Variants in NKAIN2 observed in about 807,000 individuals in gnomAD.
The protein encoded by NKAIN2 is sodium/potassium-transporting ATPase subunit beta-1-interacting protein 2.
A neutral mutation model predicts 32.6 loss-of-function variants in NKAIN2; 14 were observed. That is an observed-to-expected ratio of 0.43 (90% confidence interval 0.28 to 0.67). NKAIN2 has a LOEUF of 0.67. Ranked by LOEUF, NKAIN2 falls within the 30% of genes least tolerant of loss-of-function variation. The pLI is 0.17. For missense variants in NKAIN2, 198 were observed against 258.3 expected, an observed-to-expected ratio of 0.77 and a Z score of 1.60; for synonymous variants, 80 against 87.2, an observed-to-expected ratio of 0.92 and a Z score of 0.46.
chr6:123,847,925 A>T (rs1234541664), intron 1 of NKAIN2, among the ~76,000 whole-genome samples: 2 of 152,102 alleles, frequency 1.3e-5, no homozygotes, highest in Non-Finnish European at 2.9e-5. Flanking sequence ...CAGGTTGAAA[A>T]TTGTTGGTTT....
Position 124,168,133 on chromosome 6 carries a change from A to G in NKAIN2, c.55-114872A>G, listed in dbSNP as rs113458759. ...TGTCCTGGTTTATCATCTCTTTGCAAATTGGACATTTAATTTTTTTATAAT... is the reference window on the plus strand; with the variant it reads ...TGTCCTGGTTTATCATCTCTTTGCAGATTGGACATTTAATTTTTTTATAAT... On this transcript the variant is annotated intron_variant, in intron 1 of 6. Coordinates refer to ENST00000368417, the MANE Select transcript of NKAIN2 (RefSeq NM_001040214.3). Among the ~76,000 whole-genome samples, 604 of 152,236 alleles carry G rather than the reference A, an allele frequency of 4.0e-3. 1 individual carries two copies. Among genetic ancestry groups the G allele is most frequent in the Non-Finnish European group, 6.3e-3 (427 of 67,996 alleles).
intron 1 of NKAIN2, among the ~76,000 whole-genome samples, chr6:124,255,160 C>G (rs1232225626): frequency 1.3e-5 from 2 of 152,112 alleles, no homozygotes; most frequent in African/African-American, 4.8e-5. Context: ...AGTGCTTTTA[C>G]AAGGGAAGGA....
intron 3 of NKAIN2, among the ~76,000 whole-genome samples, chr6:124,386,062 G>T (rs1457376769): frequency 6.6e-6 from 1 of 151,972 alleles, no homozygotes; most frequent in Non-Finnish European, 1.5e-5. Context: ...AAGAAAAATG[G>T]GTGTCCTTTA....
intron 3 of NKAIN2, among the ~76,000 whole-genome samples, chr6:124,648,824 C>T (rs1457581133): frequency 6.6e-6 from 1 of 151,600 alleles, no homozygotes; most frequent in South Asian, 2.1e-4. Flanking sequence ...GTGAAGAAAT[C>T]AAAAAAACAA....
intron 1 of NKAIN2, among the ~76,000 whole-genome samples, chr6:124,230,315 T>G (rs905768387): frequency 2.0e-5 from 3 of 152,172 alleles, no homozygotes; most frequent in Non-Finnish European, 4.4e-5. Context: ...TTGGGTGCTG[T>G]TAAAGGCATT....
chr6:124,681,458 TAAG>T (rs1485569721), intron 4 of NKAIN2, among the ~76,000 whole-genome samples: 1 of 146,864 alleles, frequency 6.8e-6, no homozygotes, highest in East Asian at 1.9e-4. Flanking sequence ...TCAAAATCTC[TAAG>T]TTCAGAGAAT....
intron 2 of NKAIN2, among the ~76,000 whole-genome samples, chr6:124,286,678 G>GCA (rs1562471851): frequency 2.2e-5 from 3 of 139,446 alleles, no homozygotes; most frequent in African/African-American, 6.2e-5. Flanking sequence ...GTGTGTGCGC[G>GCA]CGCGTGTGTG....
intron 1 of NKAIN2, among the ~76,000 whole-genome samples, chr6:123,997,804 C>T (rs914101105): frequency 2.6e-5 from 4 of 151,968 alleles, no homozygotes; most frequent in African/African-American, 4.8e-5. Flanking sequence ...AGGGTTTCAC[C>T]GTGTTAGCCA....
chr6:124,514,765 G>GAAA (rs546177544), intron 3 of NKAIN2, among the ~76,000 whole-genome samples: 29 of 110,354 alleles, frequency 2.6e-4, no homozygotes, highest in South Asian at 8.9e-4. Context: ...CTTGGGTATT[G>GAAA]AAAAAAAAAA....
At chr6:123,812,859 T>G (rs1049596391) in intron 1 of NKAIN2, among the ~76,000 whole-genome samples, 1 of 152,216 alleles carries the variant, frequency 6.6e-6, no homozygotes, top group African/African-American at 2.4e-5. Flanking sequence ...GAGTCTTAGT[T>G]TGAAATGGAG....
intron 3 of NKAIN2, among the ~76,000 whole-genome samples, chr6:124,657,641 A>T (rs1195419580): frequency 6.6e-6 from 1 of 152,124 alleles, no homozygotes; most frequent in African/African-American, 2.4e-5. Flanking sequence ...GATTTGCCCA[A>T]ATAACAGGAA....
chr6:124,074,424 C>T (rs1185737996), intron 1 of NKAIN2, among the ~76,000 whole-genome samples: 2 of 152,132 alleles, frequency 1.3e-5, no homozygotes, highest in African/African-American at 4.8e-5. Context: ...AGATAAACAC[C>T]AAAGGCCAAC....
intron 1 of NKAIN2, among the ~76,000 whole-genome samples, chr6:123,917,358 T>TAAA (rs1582775464): frequency 1.3e-5 from 2 of 152,192 alleles, no homozygotes; most frequent in East Asian, 3.8e-4. Context: ...TTTTTGAAGT[T>TAAA]GGTATAAAAG....
chr6:124,770,896 C>T (rs937355701), intron 4 of NKAIN2, among the ~76,000 whole-genome samples: 2 of 152,090 alleles, frequency 1.3e-5, no homozygotes, highest in Non-Finnish European at 1.5e-5. Flanking sequence ...AAAAAAGCCA[C>T]GTACACAGTT....
At chr6:124,594,552 A>G (rs1381672467) in intron 3 of NKAIN2, among the ~76,000 whole-genome samples, 2 of 152,212 alleles carry the variant, frequency 1.3e-5, no homozygotes, top group African/African-American at 4.8e-5. Context: ...ATTTCCATAA[A>G]GTAGTAAGAG....
chr6:124,085,986 G>C (rs1784174184), intron 1 of NKAIN2, among the ~76,000 whole-genome samples: 1 of 151,792 alleles, frequency 6.6e-6, no homozygotes, highest in Non-Finnish European at 1.5e-5. Context: ...CAGTATCCTT[G>C]CTTTTTAAAG....
chr6:124,562,425 A>C (rs1780730102), intron 3 of NKAIN2, among the ~76,000 whole-genome samples: 1 of 152,230 alleles, frequency 6.6e-6, no homozygotes, highest in African/African-American at 2.4e-5. Flanking sequence ...CATAGAAGAA[A>C]ATAAACAGAT....
At chr6:124,610,997 T>G (rs1782668138) in intron 3 of NKAIN2, among the ~76,000 whole-genome samples, 1 of 152,198 alleles carries the variant, frequency 6.6e-6, no homozygotes, top group Non-Finnish European at 1.5e-5. Flanking sequence ...GACTTCAATC[T>G]AAAACACTCT....
At chr6:124,702,262 A>G (rs573317670) in intron 4 of NKAIN2, among the ~76,000 whole-genome samples, 2 of 152,224 alleles carry the variant, frequency 1.3e-5, no homozygotes, top group East Asian at 3.9e-4. Flanking sequence ...CATATTTTGA[A>G]TTTCATGAAA....
Sources: allele counts gnomAD v4.1 joint callset (sites outside exome capture counted in the v4.1 genomes callset), GRCh38; gene constraint gnomAD v4.1.1; transcripts MANE v1.5; gene names NCBI Gene and HGNC (gene_info 2026-07-23, HGNC 2026-07-21).